XKR9: variants seen among roughly 807,000 people sequenced by gnomAD.
XKR9 encodes the protein XK related 9.
In XKR9, 32 loss-of-function variants were observed where a neutral mutation model predicts 32.0. The observed-to-expected ratio is 1.00, with a 90% CI of 0.76 to 1.34. XKR9 has a LOEUF of 1.34. Among genes scored for constraint, XKR9 ranks in the 40% most tolerant of loss-of-function variants. The pLI is 0.00. For missense variants in XKR9, 546 were observed against 429.7 expected (o/e 1.27, Z -2.39); for synonymous variants, 168 against 143.4 (o/e 1.17, Z -1.22).
At chr8:70,793,952 C>T (rs1454372889), downstream of XKR9, among the ~76,000 whole-genome samples, 1 of 151,982 alleles carries the variant, frequency 6.6e-6, no homozygotes, top group African/African-American at 2.4e-5. Flanking sequence ...AGTAGCTTAA[C>T]AATTTAAGTC....
At chr8:70,903,878 GC>G in the XKR9 span, among the ~76,000 whole-genome samples, 1 of 151,948 alleles carries the variant, frequency 6.6e-6, no homozygotes, top group South Asian at 2.1e-4. Context: ...CTTTATTTGT[GC>G]CTTCATTTCA....
At chr8:71,012,914 T>C in the XKR9 span, among the ~76,000 whole-genome samples, 1 of 152,318 alleles carries the variant, frequency 6.6e-6, no homozygotes, top group African/African-American at 2.4e-5. Flanking sequence ...AAGACGGTAC[T>C]TACCCCAATA....
Position 70,770,576 on chromosome 8 carries a change from C to T in XKR9, n.353-18763C>T, listed in dbSNP as rs192441838. On this transcript the variant is annotated intron_variant and non_coding_transcript_variant, in intron 2 of 3. Transcript: ENST00000520273. ...GGGACTTTTATCTGTAAGCCCCTGA[C>T]TGGGGCTGCTGTCTTCCTTTCAGAG... Among the ~76,000 whole-genome samples, 895 of 152,046 alleles carry T rather than the reference C, an allele frequency of 5.9e-3. 12 individuals are homozygous for T. The highest frequency in any genetic ancestry group is 0.021 in the African/African-American group (855 of 41,290).
the XKR9 span, among the ~76,000 whole-genome samples, chr8:70,804,726 T>G: frequency 6.6e-6 from 1 of 152,240 alleles, no homozygotes; most frequent in Non-Finnish European, 1.5e-5. Context: ...TAGCAAATTT[T>G]GCTGGTATTG....
chr8:70,988,507 T>A, the XKR9 span, among the ~76,000 whole-genome samples: 10 of 152,178 alleles, frequency 6.6e-5, no homozygotes, highest in Admixed American at 1.3e-4. Flanking sequence ...GCAAGAAAGA[T>A]GCTTCTGGTG....
chr8:70,836,154 C>G, the XKR9 span, among the ~76,000 whole-genome samples: 1 of 151,936 alleles, frequency 6.6e-6, no homozygotes, highest in Non-Finnish European at 1.5e-5. Context: ...AGTATGCTTT[C>G]CTCAACCACT....
At chr8:70,689,465 T>TTATATATA (rs1819432368) in intron 3 of XKR9, among the ~76,000 whole-genome samples, 1 of 148,304 alleles carries the variant, frequency 6.7e-6, no homozygotes, top group Admixed American at 6.8e-5. Context: ...TATATGTATT[T>TTATATATA]TATGTATATA....
chr8:70,778,998 G>C (rs538989188), intron 2 of XKR9, among the ~76,000 whole-genome samples: 1 of 152,124 alleles, frequency 6.6e-6, no homozygotes, highest in Non-Finnish European at 1.5e-5. Flanking sequence ...GAATAGGAGT[G>C]GTGAGAGAAG....
At chr8:70,980,649 G>A in the XKR9 span, among the ~76,000 whole-genome samples, 18 of 152,182 alleles carry the variant, frequency 1.2e-4, 1 homozygote, top group African/African-American at 4.1e-4. Flanking sequence ...GAGATGTGAG[G>A]TACTATTCTA....
intron 2 of XKR9, among the ~76,000 whole-genome samples, chr8:70,768,981 C>T (rs1022085103): frequency 2.0e-5 from 3 of 152,102 alleles, no homozygotes; most frequent in Non-Finnish European, 2.9e-5. Flanking sequence ...ATGATGCGAA[C>T]TGGTTATTTT....
rs747632627 is a variant in XKR9 at position 70,681,158 on chromosome 8, C to T, written c.100C>T (p.His34Tyr). The T allele has an allele frequency of 3.1e-6, 5 of 1,613,344 alleles. No individual in the cohort carries two copies. Among genetic ancestry groups the T allele is most frequent in the African/African-American group, 1.3e-5 (1 of 74,854 alleles). ...CATATGGGTATCTGTCAGATTTTTC[C>T]ATGAAGGACAGTATGTTTTTAGTGC... Reference protein sequence around the residue: ...VDIWVSVRFFHEGQYVFSALA... With the variant: ...VDIWVSVRFFYEGQYVFSALA... The change falls in exon 3 of 5, where the codon CAT becomes TAT. Residue 34 changes from histidine (H) to tyrosine (Y), a missense_variant. Coordinates refer to ENST00000408926, the MANE Select transcript of XKR9 (RefSeq NM_001011720.2).
chr8:70,948,923 A>G, the XKR9 span, among the ~76,000 whole-genome samples: 3 of 152,220 alleles, frequency 2.0e-5, no homozygotes, highest in Admixed American at 6.5e-5. Flanking sequence ...ACATATGTTT[A>G]TGGGCTCTTA....
chr8:70,983,144 A>G, the XKR9 span, among the ~76,000 whole-genome samples: 1 of 152,166 alleles, frequency 6.6e-6, no homozygotes, highest in African/African-American at 2.4e-5. Context: ...CGAATGCACA[A>G]TTGAGTTAAA....
At chr8:70,922,498 A>C in the XKR9 span, among the ~76,000 whole-genome samples, 1 of 152,254 alleles carries the variant, frequency 6.6e-6, no homozygotes, top group African/African-American at 2.4e-5. Flanking sequence ...AAGAGAATGA[A>C]GATATTTTAT....
At chr8:70,719,644 A>G (rs1806208819) in intron 4 of XKR9, among the ~76,000 whole-genome samples, 1 of 151,892 alleles carries the variant, frequency 6.6e-6, no homozygotes, top group Non-Finnish European at 1.5e-5. Flanking sequence ...GTCCTGATCC[A>G]TTGTTCTATA....
the XKR9 span, among the ~76,000 whole-genome samples, chr8:71,032,291 A>AC: frequency 6.0e-5 from 9 of 150,464 alleles, no homozygotes; most frequent in Non-Finnish European, 1.0e-4. Context: ...CAAAAAAAAA[A>AC]AAAAAAAAAA....
chr8:70,804,735 T>A, the XKR9 span, among the ~76,000 whole-genome samples: 1 of 152,254 alleles, frequency 6.6e-6, no homozygotes, highest in African/African-American at 2.4e-5. Context: ...TTGCTGGTAT[T>A]GAAGCTAAAT....
At chr8:70,844,531 G>A in the XKR9 span, among the ~76,000 whole-genome samples, 1 of 152,168 alleles carries the variant, frequency 6.6e-6, no homozygotes, top group Non-Finnish European at 1.5e-5. Context: ...CAAGCATTCT[G>A]CCAAGAGCCT....
intron 2 of XKR9, among the ~76,000 whole-genome samples, chr8:70,747,103 G>A (rs1457015168): frequency 6.6e-6 from 1 of 152,140 alleles, no homozygotes; most frequent in Admixed American, 6.5e-5. Flanking sequence ...TCTTATTTAT[G>A]GCTGTGTAGT....
Sources: gnomAD v4.1 joint callset for allele counts (sites outside exome capture counted in the v4.1 genomes callset) on GRCh38, gnomAD v4.1.1 for gene constraint, MANE v1.5 for transcripts, NCBI Gene and HGNC (gene_info 2026-07-23, HGNC 2026-07-21) for gene names.